PRKCQ: variants seen among roughly 807,000 people sequenced by gnomAD.
PRKCQ encodes the protein protein kinase C theta, also known as protein kinase C theta type.
In PRKCQ, 41 loss-of-function variants were observed where a neutral mutation model predicts 91.2. That is an observed-to-expected ratio of 0.45 (90% confidence interval 0.35 to 0.58). The LOEUF is 0.58. Among genes scored for constraint, PRKCQ ranks in the 20% least tolerant of loss-of-function variants. The pLI, the probability that PRKCQ is intolerant of heterozygous loss-of-function variation, is 0.00. For missense variants in PRKCQ, 673 were observed against 896.5 expected (o/e 0.75, Z 3.18); for synonymous variants, 307 against 316.9 (o/e 0.97, Z 0.33).
chr10:6,513,447 CAAA>C (rs58606251), intron 2 of PRKCQ, among the ~76,000 whole-genome samples: 43,011 of 105,730 alleles, frequency 0.41, 8,250 homozygotes, highest in Admixed American at 0.55. Context: ...AGGCCAAATG[CAAA>C]AAAAAAAAAA....
intron 16 of PRKCQ, among the ~76,000 whole-genome samples, chr10:6,440,035 T>G (rs1186683177): frequency 2.0e-5 from 3 of 152,180 alleles, no homozygotes; most frequent in Non-Finnish European, 4.4e-5. Flanking sequence ...CCCCCCATGC[T>G]GTTCTTATGA....
intron 4 of PRKCQ, among the ~76,000 whole-genome samples, chr10:6,500,991 C>A: frequency 6.6e-6 from 1 of 151,500 alleles, no homozygotes; most frequent in Non-Finnish European, 1.5e-5. Flanking sequence ...AAAGAAATGG[C>A]AAAAGAGACC....
chr10:6,413,386 C>A, the PRKCQ span, among the ~76,000 whole-genome samples: 1 of 152,072 alleles, frequency 6.6e-6, no homozygotes, highest in Non-Finnish European at 1.5e-5. Context: ...TCCCTACATT[C>A]CCTGGGCTCC....
rs766794913 is a variant in PRKCQ at position 6,456,652 on chromosome 10, C to T, written c.1647+22G>A. 3.7e-6 allele frequency: 6 copies of T among 1,612,972 alleles called. No individual in the cohort carries two copies. The Admixed American group carries it at 5.0e-5, about 13-fold the overall frequency. On this transcript the variant is annotated intron_variant, in intron 15 of 17. Coordinates refer to ENST00000263125, the MANE Select transcript of PRKCQ (RefSeq NM_006257.5). Reference sequence around the variant, plus strand: ...TGGCCAGGGCATGGTGAGGTGGGAGCAGCCTGTCACTGCATTCCTACCTCT... The same window carrying T: ...TGGCCAGGGCATGGTGAGGTGGGAGTAGCCTGTCACTGCATTCCTACCTCT...
chr10:6,488,163 T>G (rs1030444484), intron 8 of PRKCQ, among the ~76,000 whole-genome samples: 1 of 152,196 alleles, frequency 6.6e-6, no homozygotes, highest in Non-Finnish European at 1.5e-5. Context: ...TATCTGCTGA[T>G]TTGCACATGT....
At chr10:6,425,524 G>T (rs994395851), downstream of PRKCQ, among the ~76,000 whole-genome samples, 2 of 151,960 alleles carry the variant, frequency 1.3e-5, no homozygotes, top group Non-Finnish European at 2.9e-5. Flanking sequence ...ACCTGGCCAG[G>T]TCTCTCACCT....
chr10:6,479,938 T>C lies in PRKCQ; in HGVS notation c.1180-773A>G, dbSNP rs1836503347. 2.0e-5 allele frequency among the ~76,000 whole-genome samples: 3 copies of C among 151,804 alleles called. No individual in the cohort carries two copies. The South Asian group carries it at 6.2e-4, about 32-fold the overall frequency. ...CTGCACTCCAGCCTGGGCGTCAGAG[T>C]GAGACTGTGTCTCAAAATAAAAAAA... On this transcript the variant is annotated intron_variant, in intron 11 of 17. Transcript: ENST00000263125.
At chr10:6,485,865 T>C (rs1299641379) in intron 9 of PRKCQ, among the ~76,000 whole-genome samples, 170 bp downstream of exon 9, 2 of 152,188 alleles carry the variant, frequency 1.3e-5, no homozygotes, top group Non-Finnish European at 2.9e-5. Flanking sequence ...TAAATAAATA[T>C]CTCAAAGATA....
At chr10:6,523,979 C>T (rs983932996) in intron 1 of PRKCQ, among the ~76,000 whole-genome samples, 5 of 152,146 alleles carry the variant, frequency 3.3e-5, no homozygotes, top group East Asian at 1.9e-4. Flanking sequence ...TCACACAGCA[C>T]GACTCTCAGC....
intron 14 of PRKCQ, among the ~76,000 whole-genome samples, chr10:6,460,852 C>T (rs1169482095): frequency 6.6e-6 from 1 of 151,886 alleles, no homozygotes; most frequent in Non-Finnish European, 1.5e-5. Flanking sequence ...CCCATCCATC[C>T]ATCCAACCAT....
intron 1 of PRKCQ, among the ~76,000 whole-genome samples, chr10:6,519,868 G>C (rs1228894836): frequency 6.6e-6 from 1 of 152,058 alleles, no homozygotes; most frequent in Non-Finnish European, 1.5e-5. Flanking sequence ...GTGTAATATG[G>C]AACCTGGGAG....
At chr10:6,400,031 G>A in the PRKCQ span, among the ~76,000 whole-genome samples, 1 of 152,122 alleles carries the variant, frequency 6.6e-6, no homozygotes, top group Non-Finnish European at 1.5e-5. Context: ...CATGCTGCAC[G>A]GTTTGACGCA....
At chr10:6,394,268 G>T in the PRKCQ span, among the ~76,000 whole-genome samples, 1 of 152,102 alleles carries the variant, frequency 6.6e-6, no homozygotes, top group Non-Finnish European at 1.5e-5. Context: ...CTTTGTTGTC[G>T]TAAGTGTAGT....
At chr10:6,419,937 C>T in the PRKCQ span, among the ~76,000 whole-genome samples, 6 of 152,078 alleles carry the variant, frequency 3.9e-5, no homozygotes, top group South Asian at 6.2e-4. Context: ...GATCTGCCCT[C>T]CTTGGCCTCC....
intron 1 of PRKCQ, among the ~76,000 whole-genome samples, chr10:6,579,395 C>T (rs1478134753): frequency 2.0e-5 from 3 of 152,132 alleles, no homozygotes; most frequent in Non-Finnish European, 4.4e-5. Context: ...GGGAACAAGG[C>T]AGTCCTGTGG....
chr10:6,518,801 G>A (rs966942550), intron 1 of PRKCQ, among the ~76,000 whole-genome samples: 1 of 151,960 alleles, frequency 6.6e-6, no homozygotes, highest in African/African-American at 2.4e-5. Context: ...CTAGGCAACA[G>A]AGCAAGACTC....
chr10:6,514,411 C>T (rs981321156), intron 2 of PRKCQ, among the ~76,000 whole-genome samples: 2 of 152,162 alleles, frequency 1.3e-5, no homozygotes, highest in Non-Finnish European at 2.9e-5. Context: ...TCTGAACCCA[C>T]AAACAGGACG....
intron 8 of PRKCQ, among the ~76,000 whole-genome samples, chr10:6,489,787 C>T (rs1373906299): frequency 6.6e-6 from 1 of 151,864 alleles, no homozygotes; most frequent in Admixed American, 6.6e-5. Context: ...GAGCGGGGAA[C>T]AGAATGGAGC....
intron 14 of PRKCQ, among the ~76,000 whole-genome samples, chr10:6,457,968 C>A (rs74434289): frequency 6.6e-6 from 1 of 150,980 alleles, no homozygotes; most frequent in African/African-American, 2.4e-5. Flanking sequence ...TCCCCTGAGA[C>A]GAGGTCTTTC....
Sources: allele counts gnomAD v4.1 joint callset (sites outside exome capture counted in the v4.1 genomes callset), GRCh38; gene constraint gnomAD v4.1.1; transcripts MANE v1.5; gene names NCBI Gene and HGNC (gene_info 2026-07-23, HGNC 2026-07-21).